PAK2: variants seen among roughly 807,000 people sequenced by gnomAD.
The protein encoded by PAK2 is p21 (RAC1) activated kinase 2.
PAK2 carries 21 observed loss-of-function variants against 65.9 expected under a neutral mutation model. The observed-to-expected ratio is 0.32, with a 90% CI of 0.23 to 0.46. The LOEUF (loss-of-function observed/expected upper bound fraction) is 0.46, where lower values mean the gene tolerates loss of function less well. Ranked by LOEUF, PAK2 falls within the 20% of genes least tolerant of loss-of-function variation. PAK2 has a pLI of 1.00. For missense variants in PAK2, 324 were observed against 642.6 expected (o/e 0.50, Z 5.36); for synonymous variants, 204 against 219.7 (o/e 0.93, Z 0.63).
intron 6 of PAK2, 21 bp from the exon 7 acceptor site, chr3:196,807,761 T>C: frequency 7.0e-7 from 1 of 1,421,050 alleles, no homozygotes; most frequent in Non-Finnish European, 9.8e-7. Flanking sequence ...CAAACCTTGG[T>C]AATGAACTGT....
At chr3:196,793,049 G>A (rs116470809) in intron 2 of PAK2, among the ~76,000 whole-genome samples, 1,819 of 152,192 alleles carry the variant, frequency 0.012, 35 homozygotes, top group African/African-American at 0.041. Flanking sequence ...GTGTCGGAGT[G>A]GGGGTAGGAT....
chr3:196,832,605 G>A lies in PAK2; in HGVS notation c.*4200G>A, dbSNP rs1353962045. The A allele has an allele frequency of 2.0e-5, 3 of 151,952 alleles. No individual in the cohort carries two copies. The highest frequency in any genetic ancestry group is 4.4e-5 in the Non-Finnish European group (3 of 67,984). 9.4% of individuals were successfully genotyped at this position (151,952 alleles called of 1,614,324 possible). On this transcript the variant is annotated 3_prime_UTR_variant, in exon 15 of 15. Coordinates refer to ENST00000327134, the MANE Select transcript of PAK2 (RefSeq NM_002577.4). ...TTAAATGTCTTAATAGGTTTTCAAA[G>A]AACATTTAGTATTTTTAGTGATAAA...
intron 1 of PAK2, among the ~76,000 whole-genome samples, chr3:196,751,535 T>A (rs993284013): frequency 2.0e-5 from 3 of 149,982 alleles, no homozygotes; most frequent in African/African-American, 7.4e-5. Context: ...TAATCCCAGC[T>A]ACTCGGGAGG....
At chr3:196,761,973 T>C in intron 1 of PAK2, among the ~76,000 whole-genome samples, 1 of 121,470 alleles carries the variant, frequency 8.2e-6, no homozygotes. Context: ...GCTCCTCACT[T>C]CTCAGACGGG....
At chr3:196,821,044 T>C (rs1711628026) in intron 13 of PAK2, among the ~76,000 whole-genome samples, 1 of 152,130 alleles carries the variant, frequency 6.6e-6, no homozygotes, top group South Asian at 2.1e-4. Flanking sequence ...CTCTCCATGT[T>C]GGGTCAGGCT....
chr3:196,792,875 T>C (rs1205643546), intron 2 of PAK2, among the ~76,000 whole-genome samples: 1 of 151,900 alleles, frequency 6.6e-6, no homozygotes, highest in African/African-American at 2.4e-5. Flanking sequence ...TGAAAGAGGC[T>C]TCAGTACACA....
Position 196,814,536 on chromosome 3 carries a change from G to A in PAK2, c.1021G>A (p.Asp341Asn). 2.0e-6 allele frequency: 3 copies of A among 1,502,142 alleles called. No homozygotes were observed. Among genetic ancestry groups the A allele is most frequent in the Non-Finnish European group, 2.8e-6 (3 of 1,082,000 alleles). The allele number at this position is 1,502,142 out of a possible 1,614,324, so 93.1% of individuals were successfully genotyped here. The change falls in exon 11 of 15, where the codon GAT becomes AAT. Residue 341 changes from aspartate (D) to asparagine (N), a missense_variant. This residue lies in a region of PAK2 where 183 missense variants were observed against 246.2 expected (regional missense o/e 0.74). Coordinates refer to ENST00000327134, the MANE Select transcript of PAK2 (RefSeq NM_002577.4). ...LTDVVTETCM[D>N]EAQIAAVCRE... ...TGATGTGGTAACAGAAACGTGCATG[G>A]ATGAAGCACAGATTGCTGCTGTATG... is the stretch of plus-strand genomic sequence containing the variant.
intron 1 of PAK2, among the ~76,000 whole-genome samples, chr3:196,753,270 T>C (rs1309566746): frequency 2.0e-5 from 3 of 152,072 alleles, no homozygotes; most frequent in East Asian, 1.9e-4. Flanking sequence ...GAAAAAAATC[T>C]TATAATCTTC....
chr3:196,775,459 T>G (rs1714505342), intron 1 of PAK2, among the ~76,000 whole-genome samples: 1 of 151,980 alleles, frequency 6.6e-6, no homozygotes, highest in Admixed American at 6.6e-5. Flanking sequence ...CTCGGCTCAC[T>G]GCAAGCTCCG....
At chr3:196,815,952 T>C (rs557172623) in intron 11 of PAK2, among the ~76,000 whole-genome samples, 1 of 152,294 alleles carries the variant, frequency 6.6e-6, no homozygotes, top group Non-Finnish European at 1.5e-5. Flanking sequence ...ATTAATGAAT[T>C]TCTAGACATA....
At chr3:196,764,841 C>CTTTT (rs57199433) in intron 1 of PAK2, among the ~76,000 whole-genome samples, 15 of 107,600 alleles carry the variant, frequency 1.4e-4, no homozygotes, top group South Asian at 3.1e-4. Flanking sequence ...TCTTTTCTTT[C>CTTTT]TTTTTTTTTT....
At chr3:196,781,188 A>G (rs1714703840) in intron 1 of PAK2, among the ~76,000 whole-genome samples, 1 of 152,190 alleles carries the variant, frequency 6.6e-6, no homozygotes, top group South Asian at 2.1e-4. Flanking sequence ...TTTTCATTGT[A>G]TATATGCAAG....
chr3:196,821,360 G>A (rs867458588), intron 13 of PAK2, among the ~76,000 whole-genome samples: 1 of 150,700 alleles, frequency 6.6e-6, no homozygotes, highest in Non-Finnish European at 1.5e-5. Flanking sequence ...ACCACAACAG[G>A]ATAACACTTC....
intron 2 of PAK2, among the ~76,000 whole-genome samples, chr3:196,798,751 G>A (rs1394092550): frequency 6.6e-6 from 1 of 152,100 alleles, no homozygotes; most frequent in Non-Finnish European, 1.5e-5. Flanking sequence ...GAAAATCGAT[G>A]GATGTTATTT....
intron 1 of PAK2, among the ~76,000 whole-genome samples, chr3:196,750,459 G>T (rs1202174397): frequency 2.6e-5 from 4 of 152,078 alleles, no homozygotes; most frequent in Admixed American, 1.3e-4. Context: ...TTTGGTACGT[G>T]TGTAAATTCT....
intron 8 of PAK2, among the ~76,000 whole-genome samples, chr3:196,811,056 G>A (rs895579608): frequency 6.6e-6 from 1 of 151,902 alleles, no homozygotes; most frequent in Non-Finnish European, 1.5e-5. Flanking sequence ...TATTTTTAAA[G>A]TATACTAACT....
intron 2 of PAK2, 54 bp from the exon 3 acceptor site, chr3:196,801,873 A>G: frequency 1.2e-6 from 1 of 861,064 alleles, no homozygotes; most frequent in Non-Finnish European, 1.9e-6. Context: ...AAGTGCCTTT[A>G]CTAGTCTTGT....
rs115890084 is a variant in PAK2 at position 196,804,459 on chromosome 3, G to A, written c.437-893G>A. ...TACATATATGTGTGTGCGCACGCGCGTGCGTGTGTGTGTTTTGTTTTGTTT... is the reference window on the plus strand; with the variant it reads ...TACATATATGTGTGTGCGCACGCGCATGCGTGTGTGTGTTTTGTTTTGTTT... On this transcript the variant is annotated intron_variant, in intron 4 of 14. Coordinates refer to ENST00000327134, the MANE Select transcript of PAK2 (RefSeq NM_002577.4). Among the ~76,000 whole-genome samples the A allele has an allele frequency of 2.5e-3, 382 of 150,120 alleles. 2 individuals are homozygous for A. The highest frequency in any genetic ancestry group is 9.2e-3 in the African/African-American group (368 of 39,858).
rs1161289051 is a variant in PAK2, at chr3:196,820,756, T to C, written c.1350+189T>C. Among the ~76,000 whole-genome samples, 2 of 152,208 alleles carry C rather than the reference T, an allele frequency of 1.3e-5. No homozygotes were observed. Among genetic ancestry groups the C allele is most frequent in the South Asian group, 2.1e-4 (1 of 4,834 alleles). On this transcript the variant is annotated intron_variant, in intron 13 of 14. Coordinates refer to ENST00000327134, the MANE Select transcript of PAK2 (RefSeq NM_002577.4). The surrounding 1 kb of genome is among the most constrained non-coding windows in gnomAD (Gnocchi z 4.6). The stretch of plus-strand genomic sequence containing the variant: ...AAATTAATGTGTTAGGTGAAGACTT[T>C]GTAGGTTTTTAGTAGTAAGCTGTAT...
Sources: allele counts gnomAD v4.1 joint callset (sites outside exome capture counted in the v4.1 genomes callset), GRCh38; gene constraint gnomAD v4.1.1; regional missense constraint gnomAD v4.1.1; non-coding constraint Gnocchi (gnomAD v3.1); transcripts MANE v1.5; gene names NCBI Gene and HGNC (gene_info 2026-07-23, HGNC 2026-07-21).